Variants in RERE observed in about 807,000 individuals in gnomAD.
The protein encoded by RERE is arginine-glutamic acid dipeptide repeats.
RERE carries 40 observed loss-of-function variants against 146.1 expected under a neutral mutation model. The observed-to-expected ratio is 0.27, with a 90% confidence interval of 0.21 to 0.36. The LOEUF (loss-of-function observed/expected upper bound fraction) is 0.36. RERE is among the 10% of genes least tolerant of loss of function. The pLI is 1.00. For synonymous variants in RERE, 1,003 were observed against 866.0 expected (o/e 1.16, Z -2.78); for missense variants, 1,933 against 2,138.7 (o/e 0.90, Z 1.90).
chr1:8,540,838 G>A lies in RERE; in HGVS notation c.830+376C>T, dbSNP rs865777787. Among the ~76,000 whole-genome samples the A allele has an allele frequency of 2.0e-5, 3 of 152,238 alleles. No individual in the cohort carries two copies. In the Middle Eastern group the frequency reaches 0.01, roughly 518 times the overall value. ...CCAACAAACTTTCCAAAATTACTTA[G>A]TCTTTTTCAATATGGTATTATGGAA... On this transcript the variant is annotated intron_variant, in intron 7 of 22. Coordinates refer to ENST00000400908, the MANE Select transcript of RERE (RefSeq NM_001042681.2).
At chr1:8,503,654 A>C (rs1380606883) in intron 8 of RERE, among the ~76,000 whole-genome samples, 1 of 152,230 alleles carries the variant, frequency 6.6e-6, no homozygotes, top group East Asian at 1.9e-4. Context: ...TATTTATCTA[A>C]GAAGGGGCAG....
chr1:8,453,894 A>T (rs1441109058), intron 11 of RERE, among the ~76,000 whole-genome samples: 5 of 152,224 alleles, frequency 3.3e-5, no homozygotes, highest in Non-Finnish European at 7.3e-5. Flanking sequence ...CACCCTAATT[A>T]ATTAGAGGCC....
At position 8,361,857 on chromosome 1, in the gene RERE, G is replaced by A; in HGVS notation, c.1922C>T (p.Ser641Phe). The change falls in exon 17 of 23, where the codon TCT becomes TTT. Residue 641 changes from serine (S) to phenylalanine (F), a missense_variant. Coordinates refer to ENST00000400908, the MANE Select transcript of RERE (RefSeq NM_001042681.2). ...GCGTTTGTTACTCTTAAGAGGGGAA[G>A]AGGCTTCCTCCTTCACCTTCTGCAG... The part of the protein sequence containing the change: ...KSAKKVKEEA[S>F]SPLKSNKRQR... 2 of 1,613,904 alleles carry A rather than the reference G, an allele frequency of 1.2e-6. No individual in the cohort carries two copies. Among genetic ancestry groups the A allele is most frequent in the Non-Finnish European group, 1.7e-6 (2 of 1,179,760 alleles).
At chr1:8,554,915 C>T (rs1645987434) in intron 6 of RERE, among the ~76,000 whole-genome samples, 1 of 152,162 alleles carries the variant, frequency 6.6e-6, no homozygotes, top group African/African-American at 2.4e-5. Flanking sequence ...TCCCAGGTAA[C>T]AATTTAACTG....
chr1:8,740,097 A>G (rs1405076056), intron 1 of RERE, among the ~76,000 whole-genome samples: 1 of 152,140 alleles, frequency 6.6e-6, no homozygotes, highest in Non-Finnish European at 1.5e-5. Context: ...AAGTACACCC[A>G]AAAGAATCCT....
At chr1:8,396,489 A>C (rs1050796859) in intron 12 of RERE, among the ~76,000 whole-genome samples, 1 of 152,320 alleles carries the variant, frequency 6.6e-6, no homozygotes, top group South Asian at 2.1e-4. Context: ...GCAGACTTCT[A>C]AAGACTGCTC....
chr1:8,469,149 A>AG (rs1435368536), intron 10 of RERE, among the ~76,000 whole-genome samples: 4 of 152,164 alleles, frequency 2.6e-5, no homozygotes, highest in Non-Finnish European at 5.9e-5. Context: ...TCTTTTAAAA[A>AG]GAAAAAAAAA....
chr1:8,636,000 ATTTTT>A (rs1647097653), intron 2 of RERE, among the ~76,000 whole-genome samples: 2 of 143,636 alleles, frequency 1.4e-5, no homozygotes, highest in South Asian at 4.5e-4. Flanking sequence ...ATTTTATTTT[ATTTTT>A]AAGACTGAGT....
intron 2 of RERE, among the ~76,000 whole-genome samples, chr1:8,631,365 A>T: frequency 6.6e-6 from 1 of 152,124 alleles, no homozygotes; most frequent in Non-Finnish European, 1.5e-5. Flanking sequence ...TACCACCACT[A>T]CACTCCAGCC....
chr1:8,364,066 C>T lies in RERE; in HGVS notation c.1730G>A (p.Ser577Asn). ...CCCCAGGGGACTCACCGAGCCCCGA[C>T]TCCGCCGTGTCCTCATGCTATGCTT... is the stretch of plus-strand genomic sequence containing the variant. ...SGKHSMRTRR[S>N]RGSMSTLRSG... The change falls in exon 15 of 23, where the codon AGT becomes AAT. Residue 577 changes from serine (S) to asparagine (N), a missense_variant. Physicochemically the swap from Ser to Asn is conservative, Grantham distance 46 (BLOSUM62 1). Around this residue, in one of 11 missense-constraint regions of RERE, gnomAD observed 1,255 missense variants for 1,153.8 expected, o/e 1.09. Transcript: ENST00000400908. The surrounding 1 kb of genome is among the most constrained non-coding windows in gnomAD (Gnocchi z 5.1). 1 of 1,614,168 alleles carries T rather than the reference C, an allele frequency of 6.2e-7. No individual in the cohort carries two copies. The highest frequency in any genetic ancestry group is 8.5e-7 in the Non-Finnish European group (1 of 1,180,020).
intron 12 of RERE, among the ~76,000 whole-genome samples, chr1:8,368,106 G>A (rs1641886948): frequency 6.6e-6 from 1 of 152,188 alleles, no homozygotes; most frequent in Non-Finnish European, 1.5e-5. Context: ...AAAGAAGAAT[G>A]AGAAAAAACT....
At chr1:8,369,156 G>A (rs949434110) in intron 12 of RERE, among the ~76,000 whole-genome samples, 1 of 152,128 alleles carries the variant, frequency 6.6e-6, no homozygotes, top group Non-Finnish European at 1.5e-5. Context: ...AGCTACAAAT[G>A]TGCCACCGCA....
chr1:8,364,254 G>A lies in RERE; in HGVS notation c.1542C>T (p.Thr514=). Residue 514 remains threonine (T), a splice_region_variant and synonymous_variant, in exon 15 of 23, where the codon ACC becomes ACT. Transcript: ENST00000400908. The surrounding 1 kb of genome is among the most constrained non-coding windows in gnomAD (Gnocchi z 5.1). ...GGCCTCCGTGGTGCCAATCTTTGGA[G>A]GCTGTGTGAGGGAAGTGGTGGGGGC... ...GYACRHCFTT[T]SKDWHHGGRE... 6.2e-7 allele frequency: 1 copy of A among 1,614,068 alleles called. No homozygotes were observed. The highest frequency in any genetic ancestry group is 8.5e-7 in the Non-Finnish European group (1 of 1,179,954).
intron 1 of RERE, among the ~76,000 whole-genome samples, chr1:8,754,714 A>C (rs551901530): frequency 2.3e-3 from 343 of 152,320 alleles, no homozygotes; most frequent in African/African-American, 7.9e-3. Context: ...TTCATTTAAA[A>C]CATAAAGATT....
At chr1:8,620,207 C>T (rs1009852820) in intron 3 of RERE, among the ~76,000 whole-genome samples, 5 of 152,128 alleles carry the variant, frequency 3.3e-5, no homozygotes, top group Non-Finnish European at 7.4e-5. Flanking sequence ...TCATGAAGAG[C>T]CACTCAAGCT....
chr1:8,731,350 A>G (rs548213848), intron 1 of RERE, among the ~76,000 whole-genome samples: 6 of 152,326 alleles, frequency 3.9e-5, no homozygotes, highest in African/African-American at 1.4e-4. Context: ...AGCATTCTCC[A>G]TAACAAAGGC....
At chr1:8,728,764 T>C (rs560962789) in intron 1 of RERE, among the ~76,000 whole-genome samples, 4 of 152,200 alleles carry the variant, frequency 2.6e-5, no homozygotes, top group East Asian at 1.9e-4. Flanking sequence ...TCCCATCCAG[T>C]AGATAAAAAC....
chr1:8,572,747 A>G (rs1270799417), intron 4 of RERE, among the ~76,000 whole-genome samples: 1 of 152,172 alleles, frequency 6.6e-6, no homozygotes, highest in African/African-American at 2.4e-5. Context: ...ACCCCTTACC[A>G]ATTCCCCCAA....
At chr1:8,653,108 TAA>T (rs1472924064) in intron 2 of RERE, among the ~76,000 whole-genome samples, 1 of 152,216 alleles carries the variant, frequency 6.6e-6, no homozygotes, top group African/African-American at 2.4e-5. Flanking sequence ...TTTTTCATGT[TAA>T]AGAGGTTTCC....
Sources: gnomAD v4.1 joint callset for allele counts (sites outside exome capture counted in the v4.1 genomes callset) on GRCh38, gnomAD v4.1.1 for gene constraint, gnomAD v4.1.1 regional missense constraint, Gnocchi (gnomAD v3.1) non-coding constraint, MANE v1.5 for transcripts, NCBI Gene and HGNC (gene_info 2026-07-23, HGNC 2026-07-21) for gene names.